Variants in SNAP91 observed in about 807,000 individuals in gnomAD.
SNAP91 encodes the protein clathrin coat assembly protein AP180.
A neutral mutation model predicts 100.3 loss-of-function variants in SNAP91; 27 were observed. The ratio of observed to expected loss-of-function variants is 0.27; its 90% CI spans 0.20 to 0.37. The LOEUF (loss-of-function observed/expected upper bound fraction) is 0.37, where lower values mean the gene tolerates loss of function less well. SNAP91 is among the 10% of genes least tolerant of loss of function. The pLI is 1.00. For synonymous variants in SNAP91, 404 were observed against 398.6 expected (o/e 1.01, Z -0.16); for missense variants, 986 against 1,123.7 (o/e 0.88, Z 1.75).
At chr6:83,696,814 C>T (rs1001412102) in intron 2 of SNAP91, among the ~76,000 whole-genome samples, 1 of 152,140 alleles carries the variant, frequency 6.6e-6, no homozygotes, top group Non-Finnish European at 1.5e-5. Flanking sequence ...AAGTCACAAG[C>T]TCTCTGATGC....
At chr6:83,686,359 T>TA (rs142787965) in intron 2 of SNAP91, 13,733 of 197,026 alleles carry the variant, frequency 0.07, 549 homozygotes, top group African/African-American at 0.12. Flanking sequence ...ATTCACTACT[T>TA]AGTTTTTTAA....
intron 2 of SNAP91, among the ~76,000 whole-genome samples, chr6:83,700,744 G>A (rs890030981): frequency 1.3e-5 from 2 of 151,958 alleles, no homozygotes; most frequent in African/African-American, 4.8e-5. Flanking sequence ...GGGACCATGG[G>A]TACACATGAT....
intron 7 of SNAP91, among the ~76,000 whole-genome samples, chr6:83,644,349 C>G (rs1423685475): frequency 6.6e-6 from 1 of 152,096 alleles, no homozygotes; most frequent in Admixed American, 6.6e-5. Flanking sequence ...AGCATTGACA[C>G]AGAAAGGCAA....
At chr6:83,671,706 C>T (rs2098789532) in intron 2 of SNAP91, among the ~76,000 whole-genome samples, 1 of 151,994 alleles carries the variant, frequency 6.6e-6, no homozygotes, top group Non-Finnish European at 1.5e-5. Flanking sequence ...AGCAGAAAGA[C>T]AACTTTAACT....
chr6:83,705,574 G>T (rs2099365118), intron 2 of SNAP91, among the ~76,000 whole-genome samples: 1 of 152,150 alleles, frequency 6.6e-6, no homozygotes, highest in African/African-American at 2.4e-5. Context: ...GGAGGCCAAG[G>T]TGGGCAGATA....
chr6:83,555,722 T>G (rs1252075531), intron 29 of SNAP91, among the ~76,000 whole-genome samples: 1 of 152,196 alleles, frequency 6.6e-6, no homozygotes, highest in Non-Finnish European at 1.5e-5. Context: ...CTAAGCTTTA[T>G]GAGGCAAAAG....
chr6:83,602,255 A>C (rs892673812), intron 14 of SNAP91, among the ~76,000 whole-genome samples: 5 of 152,208 alleles, frequency 3.3e-5, no homozygotes, highest in Non-Finnish European at 1.5e-5. Flanking sequence ...AAATTTACTA[A>C]AATAAATTTG....
intron 2 of SNAP91, among the ~76,000 whole-genome samples, chr6:83,690,035 C>A (rs750241398): frequency 6.6e-6 from 1 of 151,448 alleles, no homozygotes; most frequent in African/African-American, 2.4e-5. Flanking sequence ...TTTTCCTATT[C>A]GACCCTTTTG....
intron 2 of SNAP91, among the ~76,000 whole-genome samples, chr6:83,672,342 G>C (rs975499622): frequency 6.6e-6 from 1 of 152,026 alleles, no homozygotes; most frequent in African/African-American, 2.4e-5. Context: ...GGGGGCAAGA[G>C]GCCTAGTTCA....
chr6:83,635,211 T>C (rs62419576), intron 8 of SNAP91, among the ~76,000 whole-genome samples: 245 of 152,324 alleles, frequency 1.6e-3, no homozygotes, highest in Middle Eastern at 3.4e-3. Context: ...TCTGCCTCAA[T>C]GATCTGTCTA....
intron 2 of SNAP91, among the ~76,000 whole-genome samples, chr6:83,667,805 G>A (rs2098714330): frequency 6.6e-6 from 1 of 152,084 alleles, no homozygotes. Flanking sequence ...AAAAGCAACG[G>A]CAACAAAAGC....
intron 2 of SNAP91, among the ~76,000 whole-genome samples, chr6:83,692,269 CT>C (rs1160794821): frequency 6.6e-6 from 1 of 152,180 alleles, no homozygotes; most frequent in Non-Finnish European, 1.5e-5. Flanking sequence ...AATGCTAGGA[CT>C]TTGGGAGGCC....
chr6:83,687,825 C>T (rs2099080732), intron 2 of SNAP91, among the ~76,000 whole-genome samples: 1 of 152,062 alleles, frequency 6.6e-6, no homozygotes, highest in African/African-American at 2.4e-5. Context: ...GTAGAGCCAA[C>T]TAATTTTCCT....
At chr6:83,579,594 A>C (rs1825027252) in intron 24 of SNAP91, among the ~76,000 whole-genome samples, 1 of 152,212 alleles carries the variant, frequency 6.6e-6, no homozygotes, top group South Asian at 2.1e-4. Flanking sequence ...TACAAAATTC[A>C]GAATTAAGAG....
chr6:83,632,796 A>AT (rs1430124857), intron 8 of SNAP91, among the ~76,000 whole-genome samples: 1 of 152,042 alleles, frequency 6.6e-6, no homozygotes, highest in African/African-American at 2.4e-5. Context: ...TTCTTGTATC[A>AT]TTTTTTGGAT....
intron 8 of SNAP91, among the ~76,000 whole-genome samples, chr6:83,638,384 T>C (rs980831105): frequency 6.6e-6 from 1 of 152,142 alleles, no homozygotes; most frequent in Non-Finnish European, 1.5e-5. Flanking sequence ...TCTGGAATTA[T>C]CCTTCTAATG....
At chr6:83,676,515 A>C (rs1052863040) in intron 2 of SNAP91, among the ~76,000 whole-genome samples, 2 of 152,182 alleles carry the variant, frequency 1.3e-5, no homozygotes, top group African/African-American at 4.8e-5. Flanking sequence ...AAAGGTCCTA[A>C]GGCAAGGGCA....
At chr6:83,685,787 T>A (rs2099051981) in intron 2 of SNAP91, among the ~76,000 whole-genome samples, 1 of 152,210 alleles carries the variant, frequency 6.6e-6, no homozygotes, top group Non-Finnish European at 1.5e-5. Context: ...GAGCTGATCA[T>A]TCTTTTGCTC....
At chr6:83,612,608 G>A (rs2096209236) in intron 11 of SNAP91, among the ~76,000 whole-genome samples, 1 of 152,114 alleles carries the variant, frequency 6.6e-6, no homozygotes, top group South Asian at 2.1e-4. Flanking sequence ...AGGTGCGGTG[G>A]CTCACGCCTG....
Sources: allele counts gnomAD v4.1 joint callset (sites outside exome capture counted in the v4.1 genomes callset), GRCh38; gene constraint gnomAD v4.1.1; transcripts MANE v1.5; gene names NCBI Gene and HGNC (gene_info 2026-07-23, HGNC 2026-07-21).